Variants in SENP6 observed in about 807,000 individuals in gnomAD.
SENP6 encodes sentrin-specific protease 6.
In SENP6, 41 loss-of-function variants were observed where a neutral mutation model predicts 134.5. The observed-to-expected ratio is 0.30, with a 90% CI of 0.24 to 0.40. The LOEUF (loss-of-function observed/expected upper bound fraction) is 0.40, where lower values mean the gene tolerates loss of function less well. Among genes scored for constraint, SENP6 ranks in the 10% least tolerant of loss-of-function variants. The pLI, the probability that SENP6 is intolerant of heterozygous loss-of-function variation, is 1.00. For synonymous variants in SENP6, 395 were observed against 429.8 expected, an observed-to-expected ratio of 0.92 and a Z score of 1.00; for missense variants, 1,248 against 1,312.5, an observed-to-expected ratio of 0.95 and a Z score of 0.76.
chr6:75,609,089 G>A (rs1334273089), intron 1 of SENP6, among the ~76,000 whole-genome samples: 11 of 151,890 alleles, frequency 7.2e-5, no homozygotes, highest in African/African-American at 2.2e-4. Flanking sequence ...TGAGGAACTT[G>A]AGGTATAGAA....
chr6:75,691,470 A>G (rs1041716769), intron 16 of SENP6, among the ~76,000 whole-genome samples: 6 of 152,272 alleles, frequency 3.9e-5, no homozygotes, highest in African/African-American at 1.4e-4. Flanking sequence ...TGGAATAGCA[A>G]CTAAACAGCT....
rs1234163651 is a variant in SENP6 at position 75,702,859 on chromosome 6, G to C, written c.2503G>C (p.Ala835Pro). The change falls in exon 19 of 24, where the codon GCT (alanine) becomes CCT (proline). Residue 835 changes from alanine (A) to proline (P), a missense_variant. Ala to Pro is a conservative substitution (Grantham distance 27). This residue lies in a region of SENP6 where 386 missense variants were observed against 395.0 expected (regional missense o/e 0.98). Transcript: ENST00000447266. ...KKMLNKKHCI[A>P]VIDSNPGQEE... is the part of the protein sequence containing the mutation. ...GATGCTAAACAAAAAACATTGCATAGCTGTAATTGATTCCAATCCTGGGCA... is the reference window on the plus strand; with the variant it reads ...GATGCTAAACAAAAAACATTGCATACCTGTAATTGATTCCAATCCTGGGCA... 1 of 1,614,000 alleles carries C rather than the reference G, an allele frequency of 6.2e-7. No homozygotes were observed. Among genetic ancestry groups the C allele is most frequent in the African/African-American group, 1.3e-5 (1 of 74,942 alleles).
chr6:75,634,935 A>G (rs1377248037), intron 5 of SENP6, 124 bp downstream of exon 5: 1 of 697,536 alleles, frequency 1.4e-6, no homozygotes, highest in South Asian at 1.5e-5. Flanking sequence ...AGAGAGATAT[A>G]TCTCTGAAAT....
intron 1 of SENP6, among the ~76,000 whole-genome samples, chr6:75,621,268 T>C (rs2149828728): frequency 6.6e-6 from 1 of 152,332 alleles, no homozygotes; most frequent in African/African-American, 2.4e-5. Flanking sequence ...TACATATTCA[T>C]GTGCCCTCCG....
intron 20 of SENP6, among the ~76,000 whole-genome samples, 184 bp downstream of exon 20, chr6:75,709,814 A>G (rs1775645969): frequency 6.6e-6 from 1 of 152,142 alleles, no homozygotes; most frequent in South Asian, 2.1e-4. Flanking sequence ...TTAAAAAAAA[A>G]TGAAAAAAGG....
At chr6:75,691,959 C>G (rs1032110275) in intron 16 of SENP6, among the ~76,000 whole-genome samples, 37 of 151,774 alleles carry the variant, frequency 2.4e-4, no homozygotes, top group Non-Finnish European at 3.4e-4. Context: ...CGGGTTCAAG[C>G]TATTCTCCTG....
At position 75,716,388 on chromosome 6, in the gene SENP6, G is replaced by A. The variant is rs1039080906; in HGVS notation, c.*794G>A. On this transcript the variant is annotated 3_prime_UTR_variant, in exon 24 of 24. Coordinates refer to ENST00000447266, the MANE Select transcript of SENP6 (RefSeq NM_015571.4). ...TACAGCTTAAAGTATGCTACAATCT[G>A]TGTCATATAGTTAATTGATAAGCAT... is the stretch of plus-strand genomic sequence containing the variant. 1 of 151,960 alleles carries A rather than the reference G, an allele frequency of 6.6e-6. No individual in the cohort carries two copies. Among genetic ancestry groups the A allele is most frequent in the African/African-American group, 2.4e-5 (1 of 41,436 alleles). 9.4% of individuals were successfully genotyped at this position (151,960 alleles called of 1,614,324 possible).
intron 3 of SENP6, among the ~76,000 whole-genome samples, chr6:75,631,177 G>A (rs1186853320): frequency 6.6e-6 from 1 of 152,022 alleles, no homozygotes; most frequent in Non-Finnish European, 1.5e-5. Context: ...ACATACATAT[G>A]TCTCTAACTT....
chr6:75,652,683 CAAAAAAA>C (rs71002754), intron 7 of SENP6, among the ~76,000 whole-genome samples: 2 of 75,856 alleles, frequency 2.6e-5, no homozygotes, highest in African/African-American at 6.3e-5. Flanking sequence ...CTAAAAATCT[CAAAAAAA>C]AAAAAAAAAA....
chr6:75,683,173 T>C (rs902068866), intron 16 of SENP6, among the ~76,000 whole-genome samples: 2 of 152,226 alleles, frequency 1.3e-5, no homozygotes, highest in African/African-American at 4.8e-5. Flanking sequence ...GGTGAGCATT[T>C]TTTCATGTGT....
At chr6:75,680,382 T>G (rs1773382735) in intron 16 of SENP6, among the ~76,000 whole-genome samples, 1 of 152,198 alleles carries the variant, frequency 6.6e-6, no homozygotes, top group African/African-American at 2.4e-5. Flanking sequence ...GGTTGAGTTC[T>G]GACCAACAGA....
At chr6:75,629,845 G>A (rs1016311448) in intron 3 of SENP6, among the ~76,000 whole-genome samples, 14 of 152,142 alleles carry the variant, frequency 9.2e-5, no homozygotes, top group African/African-American at 3.4e-4. Context: ...ACTGCAACCT[G>A]GGAGCATAGA....
chr6:75,642,797 A>G (rs1381608051), intron 6 of SENP6, among the ~76,000 whole-genome samples: 1 of 152,224 alleles, frequency 6.6e-6, no homozygotes, highest in Non-Finnish European at 1.5e-5. Flanking sequence ...AGTGGCAATC[A>G]GTTAAGGCTG....
chr6:75,638,602 ATATATATATATATATATATATTTT>A (rs1769739439), intron 5 of SENP6, among the ~76,000 whole-genome samples: 1 of 40,058 alleles, frequency 2.5e-5, no homozygotes, highest in African/African-American at 9.9e-5. Context: ...ATATATATAT[ATATATATATATATATATATATTTT>A]TTTTTTTTTT....
In SENP6 at chr6:75,702,781, A is replaced by C; in HGVS notation, c.2425A>C (p.Ser809Arg). The C allele has an allele frequency of 6.2e-7, 1 of 1,614,170 alleles. No homozygotes were observed. Among genetic ancestry groups the C allele is most frequent in the South Asian group, 1.1e-5 (1 of 91,088 alleles). The change falls in exon 19 of 24, where the codon AGT becomes CGT. Residue 809 changes from serine to arginine, a missense_variant. Transcript: ENST00000447266. ...VEDSCISSSA[S>R]EMESCSQNSS... ...GGACAGTTGTATTTCTTCTTCAGCCAGTGAAATGGAGAGTTGTTCACAAAA... is the reference window on the plus strand; with the variant it reads ...GGACAGTTGTATTTCTTCTTCAGCCCGTGAAATGGAGAGTTGTTCACAAAA...
At chr6:75,662,739 ATAG>A (rs1014934343) in intron 8 of SENP6, among the ~76,000 whole-genome samples, 1 of 152,140 alleles carries the variant, frequency 6.6e-6, no homozygotes, top group Non-Finnish European at 1.5e-5. Flanking sequence ...GGGGATTTTA[ATAG>A]TAGGAATGTG....
At position 75,715,528 on chromosome 6, in the gene SENP6, C is replaced by A. The variant is rs1279598840; in HGVS notation, c.3273C>A (p.Asp1091Glu). 1 of 1,613,214 alleles carries A rather than the reference C, an allele frequency of 6.2e-7. No individual in the cohort carries two copies. Among genetic ancestry groups the A allele is most frequent in the Admixed American group, 1.7e-5 (1 of 59,962 alleles). Residue 1091 changes from aspartate to glutamate, a missense_variant, in exon 24 of 24, where the codon GAC becomes GAA. Physicochemically the swap from Asp to Glu is conservative, Grantham distance 45. Transcript: ENST00000447266. ...GCAAAGAGAAAAGAAAGCATAAGGACACTTACTCAACAGAAGCACCTTTAG... is the reference window on the plus strand; with the variant it reads ...GCAAAGAGAAAAGAAAGCATAAGGAAACTTACTCAACAGAAGCACCTTTAG... ...DQSKEKRKHK[D>E]TYSTEAPLGE...
chr6:75,631,011 C>G (rs1256373774), intron 3 of SENP6, among the ~76,000 whole-genome samples: 1 of 151,780 alleles, frequency 6.6e-6, no homozygotes, highest in Non-Finnish European at 1.5e-5. Context: ...CTATTTAATC[C>G]ATACATTGGA....
chr6:75,697,504 C>G lies in SENP6; in HGVS notation c.2275C>G (p.Pro759Ala). ...DIFEKDFIFV[P>A]LNEAAHWFLA... Reference sequence around the variant, plus strand: ...TTTTGAGAAGGATTTTATTTTTGTACCCCTTAATGAAGCGTGAGTAAGAAT... The same window carrying G: ...TTTTGAGAAGGATTTTATTTTTGTAGCCCTTAATGAAGCGTGAGTAAGAAT... Residue 759 changes from proline to alanine, a missense_variant, in exon 18 of 24, where the codon CCC (proline) becomes GCC (alanine). By Grantham distance (27) the Pro-to-Ala change is conservative. This residue lies in a region of SENP6 where 129 missense variants were observed against 192.0 expected (regional missense o/e 0.67). Coordinates refer to ENST00000447266, the MANE Select transcript of SENP6 (RefSeq NM_015571.4). 6.2e-7 allele frequency: 1 copy of G among 1,611,290 alleles called. No homozygotes were observed. The highest frequency in any genetic ancestry group is 8.5e-7 in the Non-Finnish European group (1 of 1,177,928).
Sources: allele counts gnomAD v4.1 joint callset (sites outside exome capture counted in the v4.1 genomes callset), GRCh38; gene constraint gnomAD v4.1.1; regional missense constraint gnomAD v4.1.1; transcripts MANE v1.5; gene names NCBI Gene and HGNC (gene_info 2026-07-23, HGNC 2026-07-21).